The following ROBO2 variants were observed in gnomAD, a reference collection of about 807,000 sequenced individuals.
ROBO2 encodes the protein roundabout homolog 2.
ROBO2 carries 53 observed loss-of-function variants against 160.8 expected under a neutral mutation model. The observed-to-expected ratio is 0.33, with a 90% CI of 0.26 to 0.41. The LOEUF (loss-of-function observed/expected upper bound fraction) is 0.41, where lower values mean the gene tolerates loss of function less well. Among genes scored for constraint, ROBO2 ranks in the 10% least tolerant of loss-of-function variants. ROBO2 has a pLI of 1.00. For synonymous variants in ROBO2, 664 were observed against 611.7 expected, an observed-to-expected ratio of 1.09 and a Z score of -1.26; for missense variants, 1,577 against 1,722.4, an observed-to-expected ratio of 0.92 and a Z score of 1.49.
At chr3:76,708,153 C>T (rs1022665793) in intron 2 of ROBO2, among the ~76,000 whole-genome samples, 3 of 152,162 alleles carry the variant, frequency 2.0e-5, no homozygotes, top group Non-Finnish European at 4.4e-5. Flanking sequence ...ACTTTCAAAG[C>T]ATATCCTTTA....
chr3:77,303,581 T>A (rs2062837663), intron 2 of ROBO2, among the ~76,000 whole-genome samples: 1 of 152,110 alleles, frequency 6.6e-6, no homozygotes, highest in African/African-American at 2.4e-5. Flanking sequence ...GAGTAGAGAA[T>A]AAAGACAAGG....
intron 2 of ROBO2, among the ~76,000 whole-genome samples, chr3:76,331,533 CTGTT>C (rs749483842): frequency 7.4e-4 from 113 of 152,040 alleles, no homozygotes; most frequent in Non-Finnish European, 1.3e-3. Context: ...CTAGATTCCT[CTGTT>C]TGGTTTTAAC....
At chr3:76,046,613 A>T (rs1353198594) in intron 2 of ROBO2, among the ~76,000 whole-genome samples, 1 of 151,868 alleles carries the variant, frequency 6.6e-6, no homozygotes, top group Non-Finnish European at 1.5e-5. Flanking sequence ...GCGCCACTGC[A>T]CTCCAGCCTG....
At chr3:75,934,743 A>T (rs1947697792) in intron 1 of ROBO2, among the ~76,000 whole-genome samples, 1 of 152,168 alleles carries the variant, frequency 6.6e-6, no homozygotes, top group Non-Finnish European at 1.5e-5. Context: ...TGTTACTAAA[A>T]TATATATTGG....
chr3:77,206,334 T>C (rs1418421796), intron 2 of ROBO2, among the ~76,000 whole-genome samples: 3 of 152,096 alleles, frequency 2.0e-5, no homozygotes, highest in Non-Finnish European at 4.4e-5. Flanking sequence ...CAAGCCTGGC[T>C]AATTTTTGCA....
intron 2 of ROBO2, chr3:76,433,954 A>G: frequency 4.1e-6 from 3 of 735,330 alleles, no homozygotes; most frequent in Non-Finnish European, 7.4e-6. Flanking sequence ...ATTCTACTCC[A>G]ATACAATCTA....
intron 2 of ROBO2, among the ~76,000 whole-genome samples, chr3:76,467,370 C>A (rs2078418473): frequency 6.6e-6 from 1 of 152,024 alleles, no homozygotes; most frequent in Non-Finnish European, 1.5e-5. Flanking sequence ...AAAAATTATG[C>A]CAGTATTTCC....
chr3:76,501,834 G>A (rs764077705), intron 2 of ROBO2, among the ~76,000 whole-genome samples: 10 of 152,236 alleles, frequency 6.6e-5, no homozygotes, highest in South Asian at 2.1e-4. Flanking sequence ...AGTAGTTCAC[G>A]TCTAACAGCA....
At chr3:76,846,284 T>C (rs1318979677) in intron 2 of ROBO2, among the ~76,000 whole-genome samples, 5 of 152,172 alleles carry the variant, frequency 3.3e-5, no homozygotes, top group Admixed American at 2.6e-4. Flanking sequence ...AGAATAGTTA[T>C]TAATCTTCTT....
chr3:76,305,265 C>A (rs2071278458), intron 2 of ROBO2, among the ~76,000 whole-genome samples: 3 of 151,570 alleles, frequency 2.0e-5, no homozygotes, highest in Non-Finnish European at 4.4e-5. Flanking sequence ...GTTGTGAGTT[C>A]CTGTAGTCCC....
At chr3:75,924,751 C>T (rs557046149) in intron 1 of ROBO2, among the ~76,000 whole-genome samples, 2 of 128,030 alleles carry the variant, frequency 1.6e-5, no homozygotes, top group Admixed American at 1.9e-4. Flanking sequence ...TGCAGTGGCA[C>T]GATCTCGGCT....
intron 2 of ROBO2, among the ~76,000 whole-genome samples, chr3:76,733,805 G>T (rs1481194806): frequency 6.6e-6 from 1 of 152,156 alleles, no homozygotes; most frequent in African/African-American, 2.4e-5. Context: ...AATTACGAAT[G>T]GCTGGATGGC....
chr3:76,217,564 A>C (rs1428672091), intron 2 of ROBO2, among the ~76,000 whole-genome samples: 6 of 152,230 alleles, frequency 3.9e-5, no homozygotes, highest in African/African-American at 1.4e-4. Flanking sequence ...AAAATCTAGA[A>C]GAAATGGATA....
chr3:77,479,688 T>TA (rs753540412), intron 3 of ROBO2, among the ~76,000 whole-genome samples: 2 of 152,140 alleles, frequency 1.3e-5, no homozygotes, highest in Non-Finnish European at 2.9e-5. Flanking sequence ...GATGATGGAG[T>TA]AAAATCATTG....
chr3:76,508,872 G>A (rs73119810), intron 2 of ROBO2, among the ~76,000 whole-genome samples: 14,428 of 152,160 alleles, frequency 0.095, 789 homozygotes, highest in Middle Eastern at 0.12. Context: ...CATTAATATA[G>A]TAAGTTAGTG....
chr3:76,005,151 A>T (rs1559824261), intron 2 of ROBO2, among the ~76,000 whole-genome samples: 2 of 152,172 alleles, frequency 1.3e-5, no homozygotes, highest in African/African-American at 2.4e-5. Context: ...AATCTCTACA[A>T]ATTGCCCAGT....
intron 2 of ROBO2, among the ~76,000 whole-genome samples, chr3:76,121,634 A>G (rs1252414317): frequency 6.6e-6 from 1 of 152,144 alleles, no homozygotes; most frequent in Non-Finnish European, 1.5e-5. Context: ...TTGACAATTG[A>G]GTATGTTGTT....
At chr3:76,909,585 T>A (rs1053430312) in intron 2 of ROBO2, among the ~76,000 whole-genome samples, 5 of 152,182 alleles carry the variant, frequency 3.3e-5, no homozygotes, top group African/African-American at 1.2e-4. Context: ...CAAAAAGAAT[T>A]TAACCTCAGC....
intron 24 of ROBO2, among the ~76,000 whole-genome samples, chr3:77,641,728 A>C (rs1447861290): frequency 2.0e-5 from 3 of 152,168 alleles, no homozygotes; most frequent in African/African-American, 7.2e-5. Flanking sequence ...AAGATTTCAA[A>C]ATCTTCAGCA....
Sources: allele counts gnomAD v4.1 joint callset (sites outside exome capture counted in the v4.1 genomes callset), GRCh38; gene constraint gnomAD v4.1.1; transcripts MANE v1.5; gene names NCBI Gene and HGNC (gene_info 2026-07-23, HGNC 2026-07-21).